Variants in CDH12 observed in about 807,000 individuals in gnomAD.
CDH12 encodes cadherin-12.
CDH12 carries 41 observed loss-of-function variants against 74.1 expected under a neutral mutation model. The ratio of observed to expected loss-of-function variants is 0.55; its 90% CI spans 0.43 to 0.72. CDH12 has a LOEUF of 0.72. Ranked by LOEUF, CDH12 falls within the 30% of genes least tolerant of loss-of-function variation. The pLI is 0.00. For missense variants in CDH12, 945 were observed against 977.2 expected, an observed-to-expected ratio of 0.97 and a Z score of 0.44; for synonymous variants, 399 against 355.0, an observed-to-expected ratio of 1.12 and a Z score of -1.39.
At chr5:22,154,645 T>A (rs555726788) in intron 4 of CDH12, among the ~76,000 whole-genome samples, 85 of 106,502 alleles carry the variant, frequency 8.0e-4, no homozygotes, top group Non-Finnish European at 1.2e-3. Context: ...TATACATGTA[T>A]ATATACACAT....
intron 3 of CDH12, among the ~76,000 whole-genome samples, chr5:22,261,083 A>T (rs941485131): frequency 1.9e-4 from 29 of 151,790 alleles, no homozygotes; most frequent in African/African-American, 6.7e-4. Flanking sequence ...GTATATACAC[A>T]TAATCAAGGG....
intron 3 of CDH12, among the ~76,000 whole-genome samples, chr5:22,320,024 AGCCT>A (rs1226896978): frequency 1.3e-4 from 20 of 152,180 alleles, no homozygotes; most frequent in African/African-American, 4.8e-4. Context: ...CACATTCTCA[AGCCT>A]TGAGCCTGAA....
intron 3 of CDH12, among the ~76,000 whole-genome samples, chr5:22,404,022 TA>T (rs1289165517): frequency 6.6e-6 from 1 of 152,170 alleles, no homozygotes; most frequent in Admixed American, 6.5e-5. Context: ...TGGGGAATGC[TA>T]AAATTGAACA....
At chr5:22,841,371 C>T (rs921342392) in intron 1 of CDH12, among the ~76,000 whole-genome samples, 4 of 152,052 alleles carry the variant, frequency 2.6e-5, no homozygotes, top group Admixed American at 1.3e-4. Context: ...TGACCGACAT[C>T]GTGAAATCTG....
intron 1 of CDH12, among the ~76,000 whole-genome samples, chr5:22,736,873 A>G (rs547379165): frequency 5.3e-5 from 8 of 152,070 alleles, no homozygotes; most frequent in Admixed American, 3.9e-4. Context: ...GTCTGTGTGC[A>G]TTTAATTGAG....
chr5:22,701,334 T>G (rs949442446), intron 1 of CDH12, among the ~76,000 whole-genome samples: 1 of 152,112 alleles, frequency 6.6e-6, no homozygotes, highest in Non-Finnish European at 1.5e-5. Context: ...ATTATCCTAA[T>G]GTTCTCCAAC....
intron 6 of CDH12, among the ~76,000 whole-genome samples, chr5:21,867,541 G>A (rs1227941221): frequency 6.6e-6 from 1 of 152,192 alleles, no homozygotes; most frequent in African/African-American, 2.4e-5. Context: ...AGTCAAAGGA[G>A]ATCATTTTGG....
intron 1 of CDH12, among the ~76,000 whole-genome samples, chr5:22,649,772 A>G (rs901397602): frequency 6.6e-6 from 1 of 151,958 alleles, no homozygotes; most frequent in South Asian, 2.1e-4. Flanking sequence ...ATGAGCTAGT[A>G]AATCTAAAGG....
At chr5:22,496,273 A>G (rs979707203) in intron 2 of CDH12, among the ~76,000 whole-genome samples, 7 of 152,194 alleles carry the variant, frequency 4.6e-5, no homozygotes, top group African/African-American at 1.7e-4. Context: ...AGTCAATGCT[A>G]CTTTGTTAGT....
intron 1 of CDH12, among the ~76,000 whole-genome samples, chr5:22,558,927 T>G (rs1738922031): frequency 6.6e-6 from 1 of 151,990 alleles, no homozygotes; most frequent in Admixed American, 6.6e-5. Context: ...AAACTATTAT[T>G]TAAAGAAACA....
chr5:22,627,096 G>C (rs1738338845), intron 1 of CDH12, among the ~76,000 whole-genome samples: 1 of 152,104 alleles, frequency 6.6e-6, no homozygotes, highest in African/African-American at 2.4e-5. Context: ...TATGTAAAGA[G>C]ACAATATCTA....
intron 5 of CDH12, among the ~76,000 whole-genome samples, chr5:22,030,509 A>G (rs1738742536): frequency 1.3e-5 from 2 of 152,184 alleles, no homozygotes; most frequent in Non-Finnish European, 2.9e-5. Flanking sequence ...TACAATACCT[A>G]GTAAGTTATG....
chr5:22,078,906 C>A, intron 4 of CDH12, 44 bp from the exon 5 acceptor site: 1 of 1,070,358 alleles, frequency 9.3e-7, no homozygotes, highest in Non-Finnish European at 1.2e-6. Context: ...AATGAAATTG[C>A]ATGATGATAT....
intron 1 of CDH12, among the ~76,000 whole-genome samples, chr5:22,622,309 A>T (rs1738017079): frequency 6.8e-6 from 1 of 147,146 alleles, no homozygotes; most frequent in Non-Finnish European, 1.5e-5. Flanking sequence ...AAATAGGGAC[A>T]TCAGGAAGAT....
intron 5 of CDH12, among the ~76,000 whole-genome samples, chr5:22,041,454 A>T (rs1004182849): frequency 3.3e-5 from 5 of 152,174 alleles, no homozygotes; most frequent in Admixed American, 3.3e-4. Context: ...GCCTATGTAC[A>T]TATAGGCAGA....
At chr5:22,094,865 C>T (rs1474099826) in intron 4 of CDH12, among the ~76,000 whole-genome samples, 1 of 152,186 alleles carries the variant, frequency 6.6e-6, no homozygotes, top group African/African-American at 2.4e-5. Flanking sequence ...TTGTGACCCC[C>T]ACTCCTGCAC....
chr5:22,450,523 A>G (rs1468583699), intron 2 of CDH12, among the ~76,000 whole-genome samples: 1 of 151,842 alleles, frequency 6.6e-6, no homozygotes, highest in African/African-American at 2.4e-5. Flanking sequence ...CCAACCCCAA[A>G]TTTAATATCA....
chr5:21,949,873 A>G (rs185395447), intron 6 of CDH12, among the ~76,000 whole-genome samples: 1 of 152,336 alleles, frequency 6.6e-6, no homozygotes, highest in East Asian at 1.9e-4. Flanking sequence ...GATAAGTTTA[A>G]TGTATTTTGA....
At chr5:22,732,359 A>C (rs1580937434) in intron 1 of CDH12, among the ~76,000 whole-genome samples, 1 of 151,730 alleles carries the variant, frequency 6.6e-6, no homozygotes, top group Admixed American at 6.6e-5. Flanking sequence ...CTTGTGTCCA[A>C]ATATTGTCAC....
Sources: allele counts gnomAD v4.1 joint callset (sites outside exome capture counted in the v4.1 genomes callset), GRCh38; gene constraint gnomAD v4.1.1; transcripts MANE v1.5; gene names NCBI Gene and HGNC (gene_info 2026-07-23, HGNC 2026-07-21).